Variants in APPL1 observed in about 807,000 individuals in gnomAD.
APPL1 encodes the protein DCC-interacting protein 13-alpha.
A neutral mutation model predicts 106.8 loss-of-function variants in APPL1; 42 were observed. The observed-to-expected ratio is 0.39, with a 90% CI of 0.31 to 0.51. APPL1 has a LOEUF of 0.51. APPL1 is among the 20% of genes least tolerant of loss of function. The pLI is 0.75. For synonymous variants in APPL1, 263 were observed against 281.8 expected, an observed-to-expected ratio of 0.93 and a Z score of 0.67; for missense variants, 769 against 858.2, an observed-to-expected ratio of 0.90 and a Z score of 1.30.
At chr3:57,229,699 C>CTTTTTTTT (rs753258836) in intron 1 of APPL1, among the ~76,000 whole-genome samples, 1 of 93,138 alleles carries the variant, frequency 1.1e-5, no homozygotes, top group African/African-American at 4.7e-5. Flanking sequence ...ACTGTGCCAG[C>CTTTTTTTT]TTTTTTTTTT....
intron 1 of APPL1, among the ~76,000 whole-genome samples, chr3:57,232,798 C>A (rs1553635401): frequency 6.6e-6 from 1 of 151,972 alleles, no homozygotes; most frequent in Non-Finnish European, 1.5e-5. Context: ...GTCAGGAGAT[C>A]GAGACCATCC....
At chr3:57,252,136 T>C (rs1298444596) in intron 11 of APPL1, 133 bp from the exon 12 acceptor site, 2 of 706,156 alleles carry the variant, frequency 2.8e-6, no homozygotes, top group African/African-American at 1.8e-5. Context: ...ATACCGTTGG[T>C]TGTGTTTTGT....
Position 57,257,271 on chromosome 3 carries a change from A to G in APPL1, c.1273A>G (p.Thr425Ala). The G allele has an allele frequency of 2.5e-6, 4 of 1,613,772 alleles. No homozygotes were observed. Among genetic ancestry groups the G allele is most frequent in the Non-Finnish European group, 3.4e-6 (4 of 1,179,924 alleles). ...AGQSRPPTARTSSSGSLGSES... is the reference protein window; with the variant it reads ...AGQSRPPTARASSSGSLGSES... The stretch of plus-strand genomic sequence containing the variant: ...ACAATCTCGGCCACCGACAGCTCGA[A>G]CCAGCAGTTCAGGATCCTTAGGATC... Residue 425 changes from threonine to alanine, a missense_variant, in exon 15 of 22, where the codon ACC becomes GCC. Thr to Ala is a moderately conservative substitution (Grantham distance 58, BLOSUM62 0). Coordinates refer to ENST00000288266, the MANE Select transcript of APPL1 (RefSeq NM_012096.3).
chr3:57,265,442 G>T (rs560697704), intron 19 of APPL1, among the ~76,000 whole-genome samples: 1 of 152,286 alleles, frequency 6.6e-6, no homozygotes, highest in African/African-American at 2.4e-5. Flanking sequence ...GAGCCACTGC[G>T]CCCAGCCTGT....
At chr3:57,237,991 A>G in intron 3 of APPL1, 54 bp from the exon 4 acceptor site, 1 of 1,340,100 alleles carries the variant, frequency 7.5e-7, no homozygotes, top group South Asian at 1.3e-5. Context: ...TAGTAATGTC[A>G]TTCCCAAAAG....
chr3:57,241,324 C>T (rs1039794388), intron 5 of APPL1, among the ~76,000 whole-genome samples: 19 of 152,100 alleles, frequency 1.2e-4, no homozygotes, highest in African/African-American at 4.6e-4. Context: ...GCACATCTAA[C>T]AATCTGCAAC....
At chr3:57,235,527 T>C (rs769469606) in intron 1 of APPL1, 39 bp from the exon 2 acceptor site, 2 of 1,325,104 alleles carry the variant, frequency 1.5e-6, no homozygotes, top group East Asian at 4.7e-5. Flanking sequence ...CTGATTTGTA[T>C]AATGATTAAC....
intron 16 of APPL1, 46 bp from the exon 17 acceptor site, chr3:57,259,799 T>C: frequency 1.4e-6 from 2 of 1,403,664 alleles, no homozygotes; most frequent in Non-Finnish European, 1.9e-6. Context: ...AAATGTAAAT[T>C]TATACAGTAA....
chr3:57,236,201 C>T (rs1421949699), intron 2 of APPL1, among the ~76,000 whole-genome samples: 4 of 151,906 alleles, frequency 2.6e-5, no homozygotes, highest in South Asian at 2.1e-4. Flanking sequence ...TGCACCAGCA[C>T]GCCTGGCTAA....
intron 1 of APPL1, among the ~76,000 whole-genome samples, chr3:57,232,346 T>A (rs1384214901): frequency 6.6e-6 from 1 of 152,198 alleles, no homozygotes; most frequent in Admixed American, 6.5e-5. Flanking sequence ...TGATGGTATA[T>A]TAACAATTGC....
Position 57,259,021 on chromosome 3 carries a change from T to C in APPL1, c.1431-7T>C. ...CATGTGTTCATATTTTCTTCTAAACTTTTTAGGCGTACAAATCCATTTGGA... is the reference window on the plus strand; with the variant it reads ...CATGTGTTCATATTTTCTTCTAAACCTTTTAGGCGTACAAATCCATTTGGA... On this transcript the variant is annotated splice_region_variant and splice_polypyrimidine_tract_variant and intron_variant, in intron 15 of 21. Coordinates refer to ENST00000288266, the MANE Select transcript of APPL1 (RefSeq NM_012096.3). 6.2e-7 allele frequency: 1 copy of C among 1,610,722 alleles called. No individual in the cohort carries two copies. Among genetic ancestry groups the C allele is most frequent in the Non-Finnish European group, 8.5e-7 (1 of 1,178,026 alleles).
rs1241255555 is a variant in APPL1 at position 57,240,488 on chromosome 3, T to C, written c.309T>C (p.Leu103=). Residue 103 remains leucine, a synonymous_variant, in exon 5 of 22, where the codon CTT becomes CTC. Coordinates refer to ENST00000288266, the MANE Select transcript of APPL1 (RefSeq NM_012096.3). ...AGCTTAGCTCTTGTCATGCAGTGCT[T>C]TCAACTCAACTTGCTGATGCCATGA... ...IDELSSCHAV[L]STQLADAMMF... 6.2e-7 allele frequency: 1 copy of C among 1,613,958 alleles called. No individual in the cohort carries two copies. Among genetic ancestry groups the C allele is most frequent in the East Asian group, 2.2e-5 (1 of 44,868 alleles).
chr3:57,255,540 A>C (rs1228541286), intron 13 of APPL1, among the ~76,000 whole-genome samples: 1 of 152,210 alleles, frequency 6.6e-6, no homozygotes, highest in African/African-American at 2.4e-5. Flanking sequence ...CCAGCTAAGG[A>C]ATGCCTAGGA....
At chr3:57,230,127 T>G (rs1397197208) in intron 1 of APPL1, among the ~76,000 whole-genome samples, 1 of 152,188 alleles carries the variant, frequency 6.6e-6, no homozygotes, top group African/African-American at 2.4e-5. Context: ...ACAACTGGGA[T>G]TTAGGAAGTG....
At chr3:57,254,011 T>C (rs1333975143) in intron 13 of APPL1, among the ~76,000 whole-genome samples, 33 of 152,190 alleles carry the variant, frequency 2.2e-4, no homozygotes, top group African/African-American at 7.0e-4. Flanking sequence ...TACAGGCGTG[T>C]GCCATGACAC....
Position 57,265,919 on chromosome 3 carries a change from T to C in APPL1, c.1843-1823T>C, listed in dbSNP as rs140857822. Among the ~76,000 whole-genome samples the C allele has an allele frequency of 5.9e-3, 901 of 152,376 alleles. 9 individuals carry two copies. The highest frequency in any genetic ancestry group is 0.02 in the Middle Eastern group (6 of 294). ...TTAATCATGAAGGGATGTTGAACTT[T>C]ATCAAATGCATTTTCAGCAGTAATT... On this transcript the variant is annotated intron_variant, in intron 19 of 21. Coordinates refer to ENST00000288266, the MANE Select transcript of APPL1 (RefSeq NM_012096.3).
chr3:57,267,219 C>T (rs773780500), intron 19 of APPL1, among the ~76,000 whole-genome samples: 1 of 152,048 alleles, frequency 6.6e-6, no homozygotes, highest in African/African-American at 2.4e-5. Context: ...TTATATAATT[C>T]TAAGATTTTT....
At chr3:57,237,004 A>C (rs2060719867) in intron 2 of APPL1, among the ~76,000 whole-genome samples, 1 of 152,210 alleles carries the variant, frequency 6.6e-6, no homozygotes, top group African/African-American at 2.4e-5. Flanking sequence ...TATATGATTA[A>C]TATGTTAAAG....
At chr3:57,240,317 T>C (rs2107599328) in intron 4 of APPL1, 148 bp from the exon 5 acceptor site, 1 of 604,094 alleles carries the variant, frequency 1.7e-6, no homozygotes, top group African/African-American at 1.9e-5. Flanking sequence ...TTTGACTATA[T>C]AGTATTTTGT....
Sources: gnomAD v4.1 joint callset for allele counts (sites outside exome capture counted in the v4.1 genomes callset) on GRCh38, gnomAD v4.1.1 for gene constraint, MANE v1.5 for transcripts, NCBI Gene and HGNC (gene_info 2026-07-23, HGNC 2026-07-21) for gene names.